The following DLG2 variants were observed in gnomAD, a reference collection of about 807,000 sequenced individuals.
DLG2 encodes the protein discs large MAGUK scaffold protein 2, also known as disks large homolog 2.
DLG2 carries 45 observed loss-of-function variants against 132.5 expected under a neutral mutation model. The ratio of observed to expected loss-of-function variants is 0.34; its 90% CI spans 0.27 to 0.44. The LOEUF is 0.44. DLG2 is among the 20% of genes least tolerant of loss of function. The probability of loss-of-function intolerance (pLI) is 1.00; values close to 1 mark genes in which losing one functional copy is unlikely to be tolerated. For missense variants in DLG2, 1,045 were observed against 1,196.9 expected (o/e 0.87, Z 1.87); for synonymous variants, 424 against 419.6 (o/e 1.01, Z -0.13).
chr11:85,150,816 C>T (rs1011708452), intron 5 of DLG2, among the ~76,000 whole-genome samples: 1 of 150,416 alleles, frequency 6.6e-6, no homozygotes, highest in Admixed American at 6.7e-5. Flanking sequence ...TTGAGTATTG[C>T]AAATAAGGCT....
At chr11:84,228,565 A>C (rs899482703) in intron 8 of DLG2, among the ~76,000 whole-genome samples, 2 of 152,204 alleles carry the variant, frequency 1.3e-5, no homozygotes, top group African/African-American at 4.8e-5. Context: ...TTTCTAAATA[A>C]AGTTGGCACA....
intron 4 of DLG2, among the ~76,000 whole-genome samples, chr11:85,161,754 G>A (rs1467554271): frequency 6.6e-6 from 1 of 152,216 alleles, no homozygotes; most frequent in East Asian, 1.9e-4. Flanking sequence ...TGACAGAACG[G>A]TGGAATATCC....
At chr11:83,926,472 C>T (rs971430969) in intron 15 of DLG2, among the ~76,000 whole-genome samples, 1 of 152,092 alleles carries the variant, frequency 6.6e-6, no homozygotes, top group African/African-American at 2.4e-5. Flanking sequence ...AAAAATCAGG[C>T]ATTTCTTCAA....
intron 6 of DLG2, among the ~76,000 whole-genome samples, chr11:85,105,808 T>G (rs2071640376): frequency 6.6e-6 from 1 of 151,900 alleles, no homozygotes; most frequent in Non-Finnish European, 1.5e-5. Flanking sequence ...AGCAGCAGAA[T>G]TAGTCCAGAG....
chr11:84,368,206 T>C (rs2098691902), intron 7 of DLG2, among the ~76,000 whole-genome samples: 1 of 152,190 alleles, frequency 6.6e-6, no homozygotes, highest in Non-Finnish European at 1.5e-5. Context: ...GTTTGGTCAA[T>C]TGTATTTATT....
chr11:84,104,809 A>C (rs2092789961), intron 9 of DLG2, among the ~76,000 whole-genome samples: 2 of 152,118 alleles, frequency 1.3e-5, no homozygotes, highest in Non-Finnish European at 1.5e-5. Context: ...CTAGTAAAAT[A>C]CTAAAAGCAT....
intron 6 of DLG2, among the ~76,000 whole-genome samples, chr11:84,755,474 A>C (rs1395237661): frequency 6.6e-6 from 1 of 152,112 alleles, no homozygotes; most frequent in African/African-American, 2.4e-5. Context: ...CCCAGGCTGG[A>C]GTGTAGTGGC....
At chr11:85,605,027 TAGAGA>T (rs1204759952) in intron 2 of DLG2, among the ~76,000 whole-genome samples, 4 of 152,128 alleles carry the variant, frequency 2.6e-5, no homozygotes, top group Admixed American at 6.6e-5. Context: ...CAAAGTATAA[TAGAGA>T]AAAGGTGAAT....
rs79325380 is a variant in DLG2, at chr11:84,952,904, T to G, written c.357+158757A>C. ...TTAAAGTCACTAGTCTCCAAGGTTTTCCGTGAGCTGAAACTTCTTAGCCTT... is the reference window on the plus strand; with the variant it reads ...TTAAAGTCACTAGTCTCCAAGGTTTGCCGTGAGCTGAAACTTCTTAGCCTT... On this transcript the variant is annotated intron_variant, in intron 6 of 27. Coordinates refer to ENST00000376104, the MANE Select transcript of DLG2 (RefSeq NM_001142699.3). Among the ~76,000 whole-genome samples, 248 of 152,346 alleles carry G rather than the reference T, an allele frequency of 1.6e-3. 3 individuals carry two copies. The East Asian group carries it at 0.04, about 25-fold the overall frequency.
At chr11:83,524,919 G>A (rs2095569622) in intron 21 of DLG2, among the ~76,000 whole-genome samples, 1 of 152,136 alleles carries the variant, frequency 6.6e-6, no homozygotes, top group Admixed American at 6.6e-5. Context: ...TGTGCACTGT[G>A]AACAGATTTT....
chr11:85,122,344 A>G (rs913533382), intron 5 of DLG2, among the ~76,000 whole-genome samples: 1 of 152,234 alleles, frequency 6.6e-6, no homozygotes, highest in African/African-American at 2.4e-5. Flanking sequence ...TAAGAAATGT[A>G]TTAGGGAAGT....
intron 4 of DLG2, among the ~76,000 whole-genome samples, chr11:85,258,777 G>C (rs2076791454): frequency 6.6e-6 from 1 of 152,086 alleles, no homozygotes; most frequent in Non-Finnish European, 1.5e-5. Flanking sequence ...AGCTCTTTAG[G>C]ATCAGAAAGA....
At chr11:85,483,995 T>A (rs2093362189) in intron 3 of DLG2, among the ~76,000 whole-genome samples, 1 of 152,038 alleles carries the variant, frequency 6.6e-6, no homozygotes, top group Admixed American at 6.6e-5. Flanking sequence ...GTCGGGTTGC[T>A]TGGGAATGCA....
chr11:83,634,882 G>A (rs951064203), intron 18 of DLG2, among the ~76,000 whole-genome samples: 1 of 152,152 alleles, frequency 6.6e-6, no homozygotes, highest in Non-Finnish European at 1.5e-5. Flanking sequence ...AATTTCTGGT[G>A]CATAAGCAAA....
chr11:85,253,221 G>A (rs747318116), intron 4 of DLG2, among the ~76,000 whole-genome samples: 29 of 152,288 alleles, frequency 1.9e-4, no homozygotes, highest in Non-Finnish European at 4.0e-4. Context: ...AAATTAAATG[G>A]ACAGGTTGAC....
intron 21 of DLG2, among the ~76,000 whole-genome samples, chr11:83,529,471 G>A (rs186034387): frequency 5.2e-4 from 79 of 152,166 alleles, no homozygotes; most frequent in African/African-American, 1.8e-3. Context: ...TAAATCTTAT[G>A]GAGAGTTACT....
intron 8 of DLG2, among the ~76,000 whole-genome samples, chr11:84,213,832 A>G (rs1194996940): frequency 1.3e-5 from 2 of 149,240 alleles, no homozygotes; most frequent in African/African-American, 2.5e-5. Flanking sequence ...AAAAAAAAAA[A>G]AAAAGAAAAA....
chr11:84,739,661 A>C (rs1234326087), intron 6 of DLG2, among the ~76,000 whole-genome samples: 1 of 152,210 alleles, frequency 6.6e-6, no homozygotes, highest in African/African-American at 2.4e-5. Flanking sequence ...TACCTGGCTA[A>C]GGAACCTGGG....
intron 15 of DLG2, among the ~76,000 whole-genome samples, chr11:83,923,127 A>G (rs1565652817): frequency 6.6e-6 from 1 of 152,132 alleles, no homozygotes; most frequent in African/African-American, 2.4e-5. Context: ...CTTTCTTATG[A>G]CCTCAGGGGA....
Sources: gnomAD v4.1 joint callset for allele counts (sites outside exome capture counted in the v4.1 genomes callset) on GRCh38, gnomAD v4.1.1 for gene constraint, MANE v1.5 for transcripts, NCBI Gene and HGNC (gene_info 2026-07-23, HGNC 2026-07-21) for gene names.